The following SMARCC1 variants were observed in gnomAD, a reference collection of about 807,000 sequenced individuals.
SMARCC1 encodes the protein SWI/SNF complex subunit SMARCC1.
In SMARCC1, 43 loss-of-function variants were observed where a neutral mutation model predicts 147.4. The observed-to-expected ratio is 0.29, with a 90% CI of 0.23 to 0.38. SMARCC1 has a LOEUF of 0.38. Ranked by LOEUF, SMARCC1 falls within the 10% of genes least tolerant of loss-of-function variation. The pLI, the probability that SMARCC1 is intolerant of heterozygous loss-of-function variation, is 1.00. For missense variants in SMARCC1, 1,119 were observed against 1,381.1 expected, an observed-to-expected ratio of 0.81 and a Z score of 3.01; for synonymous variants, 495 against 484.4, an observed-to-expected ratio of 1.02 and a Z score of -0.29.
chr3:47,594,035 T>C (rs761615860), intron 26 of SMARCC1, among the ~76,000 whole-genome samples: 8 of 152,012 alleles, frequency 5.3e-5, no homozygotes, highest in Non-Finnish European at 4.4e-5. Flanking sequence ...CTTAGTGGCA[T>C]GCACCTGTAA....
rs377613079 is a variant in SMARCC1, at chr3:47,632,117, T to G, written c.2646+3073A>C. Among the ~76,000 whole-genome samples the G allele has an allele frequency of 3.9e-5, 6 of 152,270 alleles. 1 individual carries two copies. The highest frequency in any genetic ancestry group is 1.4e-4 in the African/African-American group (6 of 41,540). ...AATTCTTCTTTGGACACCTTTTAAA[T>G]TTTGTATGGAATAGTGAAGGGGCAG... On this transcript the variant is annotated intron_variant, in intron 24 of 27. Transcript: ENST00000254480.
chr3:47,756,655 A>G (rs2034701781), intron 2 of SMARCC1, among the ~76,000 whole-genome samples: 2 of 152,198 alleles, frequency 1.3e-5, no homozygotes, highest in South Asian at 2.1e-4. Flanking sequence ...TCCACGGGTC[A>G]AATGTAGTCC....
intron 1 of SMARCC1, among the ~76,000 whole-genome samples, chr3:47,773,981 C>T (rs2034944864): frequency 6.6e-6 from 1 of 152,260 alleles, no homozygotes; most frequent in South Asian, 2.1e-4. Flanking sequence ...AACATCTATA[C>T]CTGCCTTTCA....
chr3:47,627,621 G>A (rs1363641899), intron 24 of SMARCC1, among the ~76,000 whole-genome samples: 3 of 152,244 alleles, frequency 2.0e-5, no homozygotes, highest in South Asian at 2.1e-4. Flanking sequence ...AAGAGCTCGA[G>A]GTGCGGCTAT....
chr3:47,687,683 GT>G (rs1269731736), intron 13 of SMARCC1, among the ~76,000 whole-genome samples: 1 of 152,094 alleles, frequency 6.6e-6, no homozygotes, highest in Non-Finnish European at 1.5e-5. Context: ...GTGCTGGCTG[GT>G]TTTGAACTCC....
At chr3:47,655,130 ACTTGAACTGC>A (rs1475218405) in intron 21 of SMARCC1, among the ~76,000 whole-genome samples, 1 of 152,228 alleles carries the variant, frequency 6.6e-6, no homozygotes, top group Non-Finnish European at 1.5e-5. Flanking sequence ...ACTGATATCC[ACTTGAACTGC>A]CAAGAAGGGA....
chr3:47,764,474 A>G (rs550948108), intron 2 of SMARCC1, among the ~76,000 whole-genome samples: 1 of 152,336 alleles, frequency 6.6e-6, no homozygotes, highest in South Asian at 2.1e-4. Flanking sequence ...AATAAGTACA[A>G]TGTCAGTGAA....
At chr3:47,745,269 C>T (rs1367910520) in intron 3 of SMARCC1, among the ~76,000 whole-genome samples, 1 of 152,024 alleles carries the variant, frequency 6.6e-6, no homozygotes, top group African/African-American at 2.4e-5. Flanking sequence ...AAAAACAAAA[C>T]AAACAAACAA....
chr3:47,638,122 G>A (rs1002212389), intron 22 of SMARCC1, among the ~76,000 whole-genome samples: 4 of 151,966 alleles, frequency 2.6e-5, no homozygotes, highest in African/African-American at 4.8e-5. Flanking sequence ...ACAGAGTCTC[G>A]CTCTGTCGCC....
intron 2 of SMARCC1, among the ~76,000 whole-genome samples, chr3:47,753,054 A>C (rs938874433): frequency 6.6e-6 from 1 of 152,172 alleles, no homozygotes; most frequent in Non-Finnish European, 1.5e-5. Context: ...TGAAACTTAG[A>C]ATAAATCTAG....
At chr3:47,707,650 G>T (rs1377194775) in intron 9 of SMARCC1, among the ~76,000 whole-genome samples, 1 of 152,068 alleles carries the variant, frequency 6.6e-6, no homozygotes, top group East Asian at 1.9e-4. Flanking sequence ...GAGGCGGGGG[G>T]AATGCTTGAG....
chr3:47,664,952 T>C (rs2033403461), intron 19 of SMARCC1, among the ~76,000 whole-genome samples: 1 of 152,218 alleles, frequency 6.6e-6, no homozygotes, highest in African/African-American at 2.4e-5. Flanking sequence ...ATAACAATAG[T>C]TGTCTCCATG....
At position 47,680,487 on chromosome 3, in the gene SMARCC1, A is replaced by G. The variant is rs2033629060; in HGVS notation, c.1407T>C (p.Arg469=). The G allele has an allele frequency of 1.2e-6, 2 of 1,600,948 alleles. No individual in the cohort carries two copies. Among genetic ancestry groups the G allele is most frequent in the Non-Finnish European group, 1.7e-6 (2 of 1,172,612 alleles). The stretch of plus-strand genomic sequence containing the variant: ...TTCCATTGAAGAACTCAGGAAGAGC[A>G]CGCCGTTCAATCACATGAATACTGA... ...DYNCIHVIER[R]ALPEFFNGKN... The change falls in exon 15 of 28, where the codon CGT becomes CGC. Residue 469 remains arginine, a synonymous_variant. Coordinates refer to ENST00000254480, the MANE Select transcript of SMARCC1 (RefSeq NM_003074.4).
intron 18 of SMARCC1, among the ~76,000 whole-genome samples, chr3:47,673,787 T>C (rs1245548859): frequency 2.0e-5 from 3 of 152,208 alleles, no homozygotes; most frequent in African/African-American, 7.2e-5. Context: ...TATATGACAA[T>C]GTAATAATAC....
At chr3:47,655,611 C>T (rs1389233585) in intron 21 of SMARCC1, among the ~76,000 whole-genome samples, 18 of 151,874 alleles carry the variant, frequency 1.2e-4, no homozygotes, top group South Asian at 1.0e-3. Context: ...ACAGCAGAAT[C>T]GCTTGAGCCT....
chr3:47,780,995 TAATA>T (rs1285803084), intron 1 of SMARCC1, among the ~76,000 whole-genome samples: 2 of 152,300 alleles, frequency 1.3e-5, no homozygotes, highest in Admixed American at 1.3e-4. Context: ...AAAAGTGCTC[TAATA>T]AAAACTGGGT....
intron 2 of SMARCC1, among the ~76,000 whole-genome samples, chr3:47,756,585 T>C (rs1291944621): frequency 7.0e-6 from 1 of 142,574 alleles, no homozygotes; most frequent in Non-Finnish European, 1.5e-5. Context: ...ACACAAAAAG[T>C]ATTAACAACA....
At chr3:47,658,318 G>C (rs1320156252) in intron 21 of SMARCC1, among the ~76,000 whole-genome samples, 1 of 152,158 alleles carries the variant, frequency 6.6e-6, no homozygotes, top group Non-Finnish European at 1.5e-5. Context: ...CCCATTGAAG[G>C]AGTACAAGTC....
chr3:47,755,147 G>A (rs1401921351), intron 2 of SMARCC1, among the ~76,000 whole-genome samples: 1 of 152,114 alleles, frequency 6.6e-6, no homozygotes, highest in Non-Finnish European at 1.5e-5. Context: ...GAAGGTGGAG[G>A]CTGCAGTGAG....
Sources: gnomAD v4.1 joint callset for allele counts (sites outside exome capture counted in the v4.1 genomes callset) on GRCh38, gnomAD v4.1.1 for gene constraint, MANE v1.5 for transcripts, NCBI Gene and HGNC (gene_info 2026-07-23, HGNC 2026-07-21) for gene names.